JAKMIP3: variants seen among roughly 807,000 people sequenced by gnomAD.
The protein encoded by JAKMIP3 is Janus kinase and microtubule interacting protein 3, also known as janus kinase and microtubule-interacting protein 3.
JAKMIP3 carries 58 observed loss-of-function variants against 118.5 expected under a neutral mutation model. The ratio of observed to expected loss-of-function variants is 0.49; its 90% CI spans 0.40 to 0.61. The LOEUF (loss-of-function observed/expected upper bound fraction) is 0.61. Ranked by LOEUF, JAKMIP3 falls within the 20% of genes least tolerant of loss-of-function variation. The pLI is 0.00. For synonymous variants in JAKMIP3, 486 were observed against 451.2 expected (o/e 1.08, Z -0.98); for missense variants, 950 against 1,109.0 (o/e 0.86, Z 2.04).
At chr10:132,094,945 G>C (rs1479618138) in intron 1 of JAKMIP3, among the ~76,000 whole-genome samples, 2 of 152,140 alleles carry the variant, frequency 1.3e-5, no homozygotes, top group Non-Finnish European at 2.9e-5. Context: ...CAGGTTAATG[G>C]AGTTGTGTAC....
At chr10:132,137,211 G>A in intron 7 of JAKMIP3, 43 bp from the exon 8 acceptor site, 1 of 1,613,908 alleles carries the variant, frequency 6.2e-7, no homozygotes. Flanking sequence ...TTGGCTAACA[G>A]GGACCCTGAG....
chr10:132,109,042 A>G (rs939655519), intron 2 of JAKMIP3, among the ~76,000 whole-genome samples: 1 of 139,142 alleles, frequency 7.2e-6, no homozygotes, highest in Non-Finnish European at 1.5e-5. Flanking sequence ...ATGTATATAT[A>G]TACACACACA....
intron 16 of JAKMIP3, among the ~76,000 whole-genome samples, chr10:132,152,679 G>A (rs931157251): frequency 5.3e-5 from 8 of 152,194 alleles, no homozygotes; most frequent in African/African-American, 1.2e-4. Context: ...ATTGAGCAGC[G>A]CATACGCATC....
chr10:132,058,071 C>G (rs1486521610), intron 1 of JAKMIP3, among the ~76,000 whole-genome samples: 1 of 152,200 alleles, frequency 6.6e-6, no homozygotes, highest in African/African-American at 2.4e-5. Context: ...AAGGGACTGG[C>G]TTGGTGTCCG....
chr10:132,182,160 C>T (rs77971383), intron 23 of JAKMIP3, among the ~76,000 whole-genome samples, 197 bp from the exon 24 acceptor site: 3,168 of 152,078 alleles, frequency 0.021, 115 homozygotes, highest in African/African-American at 0.073. Context: ...GTGCGTCTCC[C>T]GGGCTGGAGG....
chr10:132,064,525 A>C (rs1355940684), upstream of JAKMIP3, among the ~76,000 whole-genome samples: 1 of 152,182 alleles, frequency 6.6e-6, no homozygotes, highest in Non-Finnish European at 1.5e-5. This position sits in a 1 kb window ranked among gnomAD's most constrained non-coding sequence, Gnocchi z 4.4. Flanking sequence ...GTCTGAATCC[A>C]GCTCCGGGAC....
chr10:132,056,874 G>A (rs1197041336), intron 1 of JAKMIP3, among the ~76,000 whole-genome samples: 2 of 152,098 alleles, frequency 1.3e-5, no homozygotes, highest in Admixed American at 6.6e-5. Flanking sequence ...CCAGGCACTC[G>A]GGGGTCCAGC....
chr10:132,073,493 C>CTATTTTTTTTTTTTTTTT (rs1376908455), intron 1 of JAKMIP3, among the ~76,000 whole-genome samples: 1 of 134,904 alleles, frequency 7.4e-6, no homozygotes. Context: ...CCTATCTTTA[C>CTATTTTTTTTTTTTTTTT]TTTTTTTTTT....
At chr10:132,087,862 C>T (rs564448156) in intron 1 of JAKMIP3, among the ~76,000 whole-genome samples, 14 of 152,002 alleles carry the variant, frequency 9.2e-5, no homozygotes, top group South Asian at 6.2e-4. Flanking sequence ...CCCCACTCCC[C>T]GCACCCCATG....
chr10:132,148,366 G>A (rs1444741993), intron 14 of JAKMIP3, among the ~76,000 whole-genome samples: 2 of 152,180 alleles, frequency 1.3e-5, no homozygotes, highest in African/African-American at 4.8e-5. Flanking sequence ...GTGTCATGCA[G>A]GGAAAACAAA....
chr10:132,089,142 G>A (rs1352688236), intron 1 of JAKMIP3, among the ~76,000 whole-genome samples: 5 of 152,202 alleles, frequency 3.3e-5, no homozygotes, highest in Non-Finnish European at 7.3e-5. Flanking sequence ...CAAGTAGTGT[G>A]ATGCCTCCAG....
chr10:132,138,601 G>A (rs1300599539), intron 9 of JAKMIP3, among the ~76,000 whole-genome samples: 1 of 152,232 alleles, frequency 6.6e-6, no homozygotes, highest in Non-Finnish European at 1.5e-5. Flanking sequence ...AGGACCCAAA[G>A]AAAATATTCT....
At position 132,149,964 on chromosome 10, in the gene JAKMIP3, C is replaced by T. The variant is rs779160485; in HGVS notation, c.1948-18C>T. On this transcript the variant is annotated intron_variant, in intron 15 of 23. Transcript: ENST00000684848. ...CCACCCCGTGGCCACTCACCCCTAC[C>T]TGTCCTCTGTGCCTTAGGACATTGT... The T allele has an allele frequency of 6.6e-7, 1 of 1,516,596 alleles. No homozygotes were observed. The highest frequency in any genetic ancestry group is 8.8e-7 in the Non-Finnish European group (1 of 1,135,468). The allele number at this position is 1,516,596 out of a possible 1,614,324, so 93.9% of individuals were successfully genotyped here. A position where few individuals can be genotyped will look rare whatever the true frequency, so the allele number is the denominator to read the frequency against.
intron 3 of JAKMIP3, among the ~76,000 whole-genome samples, chr10:132,119,995 G>A (rs2048285464): frequency 6.6e-6 from 1 of 152,114 alleles, no homozygotes; most frequent in Non-Finnish European, 1.5e-5. Flanking sequence ...TGCACACTTT[G>A]CTCACGCTCT....
intron 23 of JAKMIP3, among the ~76,000 whole-genome samples, chr10:132,180,837 G>A (rs1418012185): frequency 8.6e-5 from 13 of 151,748 alleles, no homozygotes; most frequent in Admixed American, 3.9e-4. Flanking sequence ...TGTATATATC[G>A]TGTGCATGTG....
intron 3 of JAKMIP3, among the ~76,000 whole-genome samples, chr10:132,125,808 G>A (rs571345261): frequency 1.3e-5 from 2 of 152,222 alleles, no homozygotes; most frequent in East Asian, 3.9e-4. Flanking sequence ...AAATACAATT[G>A]ATTTTTATAT....
intron 1 of JAKMIP3, among the ~76,000 whole-genome samples, chr10:132,072,376 C>G (rs527352435): frequency 6.6e-6 from 1 of 152,078 alleles, no homozygotes; most frequent in Non-Finnish European, 1.5e-5. Context: ...GAAACCCAGT[C>G]TCTACAAAAA....
At chr10:132,167,798 T>C (rs180891233) in intron 22 of JAKMIP3, among the ~76,000 whole-genome samples, 155 bp from the exon 23 acceptor site, 5,480 of 149,826 alleles carry the variant, frequency 0.037, 224 homozygotes, top group South Asian at 0.14. Context: ...ACGCAGCCCT[T>C]CGGTCCTCAC....
At chr10:132,098,067 CCT>C (rs1393441651) in intron 1 of JAKMIP3, among the ~76,000 whole-genome samples, 1 of 148,104 alleles carries the variant, frequency 6.8e-6, no homozygotes, top group Non-Finnish European at 1.5e-5. Context: ...ACAAGGTCTT[CCT>C]CTGTTGTCCA....
Sources: gnomAD v4.1 joint callset for allele counts (sites outside exome capture counted in the v4.1 genomes callset) on GRCh38, gnomAD v4.1.1 for gene constraint, Gnocchi (gnomAD v3.1) non-coding constraint, MANE v1.5 for transcripts, NCBI Gene and HGNC (gene_info 2026-07-23, HGNC 2026-07-21) for gene names.